Variants in ZNF775 observed in about 807,000 individuals in gnomAD.
The protein encoded by ZNF775 is zinc finger protein 775.
In ZNF775, 1 loss-of-function variant was observed where a neutral mutation model predicts 2.4. The ratio of observed to expected loss-of-function variants is 0.41; its 90% CI spans 0.15 to 1.94. ZNF775 has a LOEUF of 1.94. Among genes scored for constraint, ZNF775 ranks in the 30% most tolerant of loss-of-function variants. The pLI is 0.30. For synonymous variants in ZNF775, 381 were observed against 373.3 expected (o/e 1.02, Z -0.24); for missense variants, 823 against 826.6 (o/e 1.00, Z 0.05).
chr7:150,380,051 T>C (rs952102314), intron 1 of ZNF775: 1 of 152,100 alleles, frequency 6.6e-6, no homozygotes, highest in African/African-American at 2.4e-5. Context: ...GATATCTACA[T>C]GTGGAAGGTG....
Position 150,396,810 on chromosome 7 carries a change from T to C in ZNF775, c.329T>C (p.Leu110Pro), listed in dbSNP as rs753586768. ...LSSGEGHFVC[L>P]DCGKRFSWWS... ...TCCGGCGAGGGTCACTTTGTATGCC[T>C]GGACTGCGGGAAGAGGTTCAGCTGG... Residue 110 changes from leucine (L) to proline (P), a missense_variant, in exon 3 of 3, where the codon CTG (leucine) becomes CCG (proline). Transcript: ENST00000329630. The C allele has an allele frequency of 3.1e-6, 5 of 1,600,522 alleles. No homozygotes were observed. Among genetic ancestry groups the C allele is most frequent in the Middle Eastern group, 1.7e-4 (1 of 6,060 alleles).
rs546120294 is a variant in ZNF775 at position 150,393,129 on chromosome 7, C to T, written c.32-3384C>T. 3.6e-4 allele frequency among the ~76,000 whole-genome samples: 54 copies of T among 151,960 alleles called. No individual in the cohort carries two copies. The South Asian group carries it at 8.1e-3, about 23-fold the overall frequency. On this transcript the variant is annotated intron_variant, in intron 2 of 2. Transcript: ENST00000329630. The stretch of plus-strand genomic sequence containing the variant: ...ACTGCCCCCCAAGTTCCCTGTGCTC[C>T]GTCTGTTCATCTCTCCCTACCCCCC...
At chr7:150,388,629 G>A (rs1193148332) in intron 2 of ZNF775, 128 bp downstream of exon 2, 1 of 1,044,702 alleles carries the variant, frequency 9.6e-7, no homozygotes, top group African/African-American at 1.6e-5. Flanking sequence ...CACTGATGCA[G>A]AATTTCAGGG....
At position 150,397,468 on chromosome 7, in the gene ZNF775, C is replaced by T. The variant is rs1585089809; in HGVS notation, c.987C>T (p.Arg329=). ...SQKPNLTRHL[R]NHTGERPHPC... ...AGCCCAACTTGACGCGGCACCTGCG[C>T]AACCACACAGGCGAGCGCCCGCACC... Residue 329 remains arginine, a synonymous_variant, in exon 3 of 3, where the codon CGC becomes CGT. Transcript: ENST00000329630. 1 of 1,593,024 alleles carries T rather than the reference C, an allele frequency of 6.3e-7. No individual in the cohort carries two copies. The highest frequency in any genetic ancestry group is 8.5e-7 in the Non-Finnish European group (1 of 1,175,012).
At chr7:150,393,628 A>G (rs562931421) in intron 2 of ZNF775, among the ~76,000 whole-genome samples, 6 of 152,244 alleles carry the variant, frequency 3.9e-5, no homozygotes, top group Non-Finnish European at 8.8e-5. Context: ...CTGTGTGCAC[A>G]TGCCAGTGAT....
Position 150,397,915 on chromosome 7 carries a change from G to C in ZNF775, c.1434G>C (p.Glu478Asp), listed in dbSNP as rs1263529867. ...GTGAGCGGCCCTACCCGTGCCCCGA[G>C]TGCGGCCGCCGCTTCAGCCAGAAGC... ...HTGERPYPCP[E>D]CGRRFSQKPN... Residue 478 changes from glutamate to aspartate, a missense_variant, in exon 3 of 3, where the codon GAG becomes GAC. Physicochemically the swap from Glu to Asp is conservative, Grantham distance 45 (BLOSUM62 2). Coordinates refer to ENST00000329630, the MANE Select transcript of ZNF775 (RefSeq NM_173680.4). 6.2e-7 allele frequency: 1 copy of C among 1,601,196 alleles called. No homozygotes were observed. The highest frequency in any genetic ancestry group is 8.5e-7 in the Non-Finnish European group (1 of 1,178,380).
intron 2 of ZNF775, among the ~76,000 whole-genome samples, chr7:150,392,300 C>G (rs1800572717): frequency 6.6e-6 from 1 of 152,162 alleles, no homozygotes. Context: ...TTTCCATGGA[C>G]TTGGAATATC....
Position 150,398,278 on chromosome 7 carries a change from C to A in ZNF775, c.*183C>A. The A allele has an allele frequency of 1.9e-6, 2 of 1,042,040 alleles. No homozygotes were observed. Among genetic ancestry groups the A allele is most frequent in the Admixed American group, 3.1e-5 (1 of 31,946 alleles). 64.5% of individuals were successfully genotyped at this position (1,042,040 alleles called of 1,614,324 possible). A position where few individuals can be genotyped will look rare whatever the true frequency, so the allele number is the denominator to read the frequency against. ...TCCCAAAGGGTGCTGGGAAAGGTCC[C>A]AGCGTGGGTTGAGGGAGGAGGGAAG... On this transcript the variant is annotated 3_prime_UTR_variant, in exon 3 of 3. Coordinates refer to ENST00000329630, the MANE Select transcript of ZNF775 (RefSeq NM_173680.4).
At chr7:150,388,839 T>C (rs1342244736) in intron 2 of ZNF775, among the ~76,000 whole-genome samples, 2 of 152,216 alleles carry the variant, frequency 1.3e-5, no homozygotes, top group East Asian at 3.8e-4. Flanking sequence ...CACGGAAAAC[T>C]GGCACTCTAG....
chr7:150,397,573 G>C lies in ZNF775; in HGVS notation c.1092G>C (p.Gln364His). The change falls in exon 3 of 3, where the codon CAG becomes CAC. Residue 364 changes from glutamine (Q) to histidine (H), a missense_variant. Coordinates refer to ENST00000329630, the MANE Select transcript of ZNF775 (RefSeq NM_173680.4). Reference sequence around the variant, plus strand: ...TGCGCACGCACCTGCCCGGCGCCCAGGCTGCGCCCTGCCCCAGCTGCGGTA... The same window carrying C: ...TGCGCACGCACCTGCCCGGCGCCCACGCTGCGCCCTGCCCCAGCTGCGGTA... ...KHLRTHLPGA[Q>H]AAPCPSCGKS... is the part of the protein sequence containing the mutation. 6.7e-7 allele frequency: 1 copy of C among 1,498,058 alleles called. No homozygotes were observed. The highest frequency in any genetic ancestry group is 8.8e-7 in the Non-Finnish European group (1 of 1,131,338). 92.8% of individuals were successfully genotyped at this position (1,498,058 alleles called of 1,614,324 possible).
In ZNF775 at chr7:150,384,315, T is replaced by C. The variant is rs1223895342; in HGVS notation, c.-49-4107T>C. Among the ~76,000 whole-genome samples, 1 of 152,196 alleles carries C rather than the reference T, an allele frequency of 6.6e-6. No individual in the cohort carries two copies. The highest frequency in any genetic ancestry group is 2.4e-5 in the African/African-American group (1 of 41,448). ...GTGGGCACTGGTGGGAGATGGCGCA[T>C]CTGGCCCTTGATGCCTGTCTTCCAG... On this transcript the variant is annotated intron_variant, in intron 1 of 2. Transcript: ENST00000329630. The surrounding 1 kb of genome is among the most constrained non-coding windows in gnomAD (Gnocchi z 4.1).
At position 150,396,817 on chromosome 7, in the gene ZNF775, C is replaced by CG; in HGVS notation, c.339dup (p.Lys114GlufsTer260). 1 of 1,600,316 alleles carries CG rather than the reference C, an allele frequency of 6.2e-7. No homozygotes were observed. The highest frequency in any genetic ancestry group is 8.5e-7 in the Non-Finnish European group (1 of 1,177,014). On this transcript the variant is annotated frameshift_variant, in exon 3 of 3. Coordinates refer to ENST00000329630, the MANE Select transcript of ZNF775 (RefSeq NM_173680.4). LOFTEE classifies it low-confidence loss of function (END_TRUNC). ...AGGGTCACTTTGTATGCCTGGACTG[C>CG]GGGAAGAGGTTCAGCTGGTGGTCGT...
intron 1 of ZNF775, among the ~76,000 whole-genome samples, chr7:150,381,889 G>T (rs193116191): frequency 3.3e-5 from 5 of 152,170 alleles, no homozygotes; most frequent in Admixed American, 3.3e-4. Context: ...CTGGGAGAGT[G>T]GTCACAGTGG....
chr7:150,397,348 C>T lies in ZNF775; in HGVS notation c.867C>T (p.Ser289=), dbSNP rs772695295. The change falls in exon 3 of 3, where the codon AGC becomes AGT. Residue 289 remains serine (S), a synonymous_variant. Coordinates refer to ENST00000329630, the MANE Select transcript of ZNF775 (RefSeq NM_173680.4). ...RQFICNECGK[S]FTWWSSLNIH... Reference sequence around the variant, plus strand: ...TCATCTGCAACGAGTGTGGCAAGAGCTTCACCTGGTGGTCGTCGCTGAACA... The same window carrying T: ...TCATCTGCAACGAGTGTGGCAAGAGTTTCACCTGGTGGTCGTCGCTGAACA... The T allele has an allele frequency of 6.3e-7, 1 of 1,595,496 alleles. No individual in the cohort carries two copies. The highest frequency in any genetic ancestry group is 8.5e-7 in the Non-Finnish European group (1 of 1,174,616).
At chr7:150,391,324 A>G (rs1282630858) in intron 2 of ZNF775, among the ~76,000 whole-genome samples, 1 of 152,158 alleles carries the variant, frequency 6.6e-6, no homozygotes, top group Non-Finnish European at 1.5e-5. Flanking sequence ...CCTGGCCAAC[A>G]TGGTGAAACC....
Position 150,397,195 on chromosome 7 carries a change from C to A in ZNF775, c.714C>A (p.Arg238=), listed in dbSNP as rs1800681096. ...ACGCGGCGGCGCGCCGGGCCTGTCG[C>A]CTGCAGCCGGGGCCGCCGCGGGGGC... The part of the protein sequence containing the change: ...IQDAAARRAC[R]LQPGPPRGRP... The change falls in exon 3 of 3, where the codon CGC becomes CGA. Residue 238 remains arginine (R), a synonymous_variant. Coordinates refer to ENST00000329630, the MANE Select transcript of ZNF775 (RefSeq NM_173680.4). The A allele has an allele frequency of 8.6e-7, 1 of 1,157,996 alleles. No individual in the cohort carries two copies. Among genetic ancestry groups the A allele is most frequent in the African/African-American group, 1.7e-5 (1 of 60,600 alleles). 71.7% of individuals were successfully genotyped at this position (1,157,996 alleles called of 1,614,324 possible).
At chr7:150,387,755 A>T (rs1381662487) in intron 1 of ZNF775, among the ~76,000 whole-genome samples, 4 of 152,142 alleles carry the variant, frequency 2.6e-5, no homozygotes, top group African/African-American at 9.6e-5. Flanking sequence ...GCTTGCAGTG[A>T]ACTGAGATCC....
chr7:150,381,270 C>T (rs1800356822), intron 1 of ZNF775, among the ~76,000 whole-genome samples: 1 of 152,036 alleles, frequency 6.6e-6, no homozygotes, highest in Non-Finnish European at 1.5e-5. Flanking sequence ...GAAGGAGGTA[C>T]CTCAGGATCA....
At chr7:150,389,237 G>A (rs934464881) in intron 2 of ZNF775, among the ~76,000 whole-genome samples, 1 of 152,302 alleles carries the variant, frequency 6.6e-6, no homozygotes, top group Non-Finnish European at 1.5e-5. Context: ...TGTGACTCGG[G>A]TTTCTTTACC....
Sources: gnomAD v4.1 joint callset for allele counts (sites outside exome capture counted in the v4.1 genomes callset) on GRCh38, gnomAD v4.1.1 for gene constraint, Gnocchi (gnomAD v3.1) non-coding constraint, MANE v1.5 for transcripts, NCBI Gene and HGNC (gene_info 2026-07-23, HGNC 2026-07-21) for gene names.